The following DSCAML1 variants were observed in gnomAD, a reference collection of about 807,000 sequenced individuals.
DSCAML1 encodes cell adhesion molecule DSCAML1.
Under a neutral mutation model 200.5 loss-of-function variants are expected in DSCAML1, and 38 were observed. The observed-to-expected ratio is 0.19, with a 90% CI of 0.15 to 0.25. DSCAML1 has a LOEUF of 0.25. DSCAML1 is among the 10% of genes least tolerant of loss of function. DSCAML1 has a pLI of 1.00. For missense variants in DSCAML1, 2,223 were observed against 2,858.8 expected (o/e 0.78, Z 5.07); for synonymous variants, 1,215 against 1,165.0 (o/e 1.04, Z -0.87).
chr11:117,737,565 G>A (rs2054340909), intron 3 of DSCAML1, among the ~76,000 whole-genome samples: 1 of 152,208 alleles, frequency 6.6e-6, no homozygotes. Context: ...TGCCCCAGGT[G>A]GCCATGTTCC....
chr11:117,712,720 GCTCAATCACT>G (rs963050556), intron 3 of DSCAML1, among the ~76,000 whole-genome samples: 14 of 151,964 alleles, frequency 9.2e-5, no homozygotes, highest in African/African-American at 3.4e-4. Flanking sequence ...GCTCAATCAC[GCTCAATCACT>G]CTGCTCACCA....
At chr11:117,511,010 A>C (rs1306438753) in intron 8 of DSCAML1, among the ~76,000 whole-genome samples, 1 of 152,174 alleles carries the variant, frequency 6.6e-6, no homozygotes, top group African/African-American at 2.4e-5. Flanking sequence ...AGTAGCAGGC[A>C]CTTGGCCAGG....
intron 3 of DSCAML1, among the ~76,000 whole-genome samples, chr11:117,693,394 G>A (rs1565878134): frequency 6.6e-6 from 1 of 152,112 alleles, no homozygotes. Context: ...TCTCCCTTCT[G>A]CATTCTGTGT....
chr11:117,551,589 C>G (rs1472942749), intron 3 of DSCAML1, among the ~76,000 whole-genome samples: 1 of 152,200 alleles, frequency 6.6e-6, no homozygotes, highest in African/African-American at 2.4e-5. Flanking sequence ...TGGGGGCATG[C>G]ATTTGTCATC....
intron 1 of DSCAML1, among the ~76,000 whole-genome samples, chr11:117,810,556 A>G (rs1038212567): frequency 8.6e-5 from 13 of 151,950 alleles, no homozygotes; most frequent in Non-Finnish European, 1.6e-4. Context: ...CACTATGGGC[A>G]AGCTTCCACC....
chr11:117,510,680 C>T (rs547084876), intron 8 of DSCAML1, among the ~76,000 whole-genome samples: 67 of 152,148 alleles, frequency 4.4e-4, no homozygotes, highest in Admixed American at 1.6e-3. Context: ...GGATTTTTGT[C>T]TATTTTGAGC....
chr11:117,484,385 A>C (rs1196624892), intron 11 of DSCAML1, among the ~76,000 whole-genome samples: 1 of 152,178 alleles, frequency 6.6e-6, no homozygotes, highest in African/African-American at 2.4e-5. Context: ...GCAGGACTTG[A>C]TGCTGACGAC....
intron 20 of DSCAML1, among the ~76,000 whole-genome samples, chr11:117,449,884 C>T (rs1483249328): frequency 1.3e-5 from 2 of 152,164 alleles, no homozygotes; most frequent in Middle Eastern, 3.2e-3. Flanking sequence ...TATCCCACTG[C>T]ACCCATCCCC....
chr11:117,748,721 C>T (rs959174013), intron 3 of DSCAML1, among the ~76,000 whole-genome samples: 1 of 152,200 alleles, frequency 6.6e-6, no homozygotes, highest in African/African-American at 2.4e-5. Context: ...TGTGCAGGAG[C>T]CTGGGTACTG....
intron 3 of DSCAML1, among the ~76,000 whole-genome samples, chr11:117,562,763 ACT>A (rs2050687907): frequency 6.6e-6 from 1 of 151,634 alleles, no homozygotes; most frequent in African/African-American, 2.4e-5. Flanking sequence ...TTTGAGACAG[ACT>A]CTGTTGCCCA....
chr11:117,461,618 C>T, intron 17 of DSCAML1, 22 bp from the exon 18 acceptor site: 1 of 1,605,360 alleles, frequency 6.2e-7, no homozygotes, highest in African/African-American at 1.3e-5. Flanking sequence ...AGGGGGAGAA[C>T]CAAGGGTCCA....
intron 19 of DSCAML1, among the ~76,000 whole-genome samples, chr11:117,456,350 C>T (rs781607873): frequency 6.6e-6 from 1 of 152,188 alleles, no homozygotes; most frequent in African/African-American, 2.4e-5. Context: ...GTGCTTATTG[C>T]TGAAATGTTT....
rs1375998237 is a variant in DSCAML1 at position 117,780,298 on chromosome 11, A to AAGAC, written c.364+194_364+195insGTCT. Among the ~76,000 whole-genome samples, 5 of 111,100 alleles carry AAGAC rather than the reference A, an allele frequency of 4.5e-5. No homozygotes were observed. Among genetic ancestry groups the AAGAC allele is most frequent in the East Asian group, 2.5e-4 (1 of 3,924 alleles). 72.9% of individuals were successfully genotyped at this position (111,100 alleles called of 152,430 possible). A position where few individuals can be genotyped will look rare whatever the true frequency, so the allele number is the denominator to read the frequency against. ...AAAGAAAGAAAGAAAGAAAGAAAGAAAGAAAGAGAGAAAGGAGAAAGAAAG... is the reference window on the plus strand; with the variant it reads ...AAAGAAAGAAAGAAAGAAAGAAAGAAAGACAGAAAGAGAGAAAGGAGAAAGAAAG... On this transcript the variant is annotated intron_variant, in intron 2 of 32. Coordinates refer to ENST00000651296, the MANE Select transcript of DSCAML1 (RefSeq NM_020693.4). The surrounding 1 kb of genome is among the most constrained non-coding windows in gnomAD (Gnocchi z 4.8).
intron 16 of DSCAML1, among the ~76,000 whole-genome samples, chr11:117,468,120 C>T (rs1160997732): frequency 1.3e-5 from 2 of 152,134 alleles, no homozygotes; most frequent in Non-Finnish European, 2.9e-5. Context: ...CCCGCCTCTC[C>T]AAACAGCCAC....
intron 3 of DSCAML1, among the ~76,000 whole-genome samples, chr11:117,615,304 G>A (rs2051789835): frequency 6.6e-6 from 1 of 152,216 alleles, no homozygotes; most frequent in Admixed American, 6.5e-5. Context: ...GTTGGCCTGA[G>A]CTGTCTTCTT....
At chr11:117,689,655 T>C (rs1429567475) in intron 3 of DSCAML1, among the ~76,000 whole-genome samples, 1 of 152,116 alleles carries the variant, frequency 6.6e-6, no homozygotes, top group Non-Finnish European at 1.5e-5. Context: ...GGGACCCACA[T>C]CATGGGCTAC....
At chr11:117,524,457 G>A (rs1379264269) in intron 5 of DSCAML1, among the ~76,000 whole-genome samples, 1 of 152,174 alleles carries the variant, frequency 6.6e-6, no homozygotes, top group Non-Finnish European at 1.5e-5. Context: ...CCCTCATGGC[G>A]AGCACATCAC....
chr11:117,662,696 G>A lies in DSCAML1; in HGVS notation c.511+114095C>T, dbSNP rs571912679. On this transcript the variant is annotated intron_variant, in intron 3 of 32. Transcript: ENST00000651296. ...CAGGGACATTGGTTTTCAGGTAGGTGTAGAGGCTTTCTCCAGCAAATCCTT... is the reference window on the plus strand; with the variant it reads ...CAGGGACATTGGTTTTCAGGTAGGTATAGAGGCTTTCTCCAGCAAATCCTT... Among the ~76,000 whole-genome samples the A allele has an allele frequency of 2.6e-4, 39 of 152,346 alleles. 1 individual carries two copies. In the South Asian group the frequency reaches 7.9e-3, roughly 31 times the overall value.
At chr11:117,502,801 G>A (rs960238157) in intron 11 of DSCAML1, among the ~76,000 whole-genome samples, 5 of 152,106 alleles carry the variant, frequency 3.3e-5, no homozygotes, top group Non-Finnish European at 7.4e-5. Context: ...CATCTGACTC[G>A]CTCTTGACAT....
Sources: allele counts gnomAD v4.1 joint callset (sites outside exome capture counted in the v4.1 genomes callset), GRCh38; gene constraint gnomAD v4.1.1; non-coding constraint Gnocchi (gnomAD v3.1); transcripts MANE v1.5; gene names NCBI Gene and HGNC (gene_info 2026-07-23, HGNC 2026-07-21).